PRKAR1B: variants seen among roughly 807,000 people sequenced by gnomAD.
PRKAR1B encodes the protein protein kinase cAMP-dependent type I regulatory subunit beta.
Under a neutral mutation model 46.5 loss-of-function variants are expected in PRKAR1B, and 22 were observed. The observed-to-expected ratio is 0.47, with a 90% CI of 0.34 to 0.68. PRKAR1B has a LOEUF of 0.68. Among genes scored for constraint, PRKAR1B ranks in the 30% least tolerant of loss-of-function variants. The pLI, the probability that PRKAR1B is intolerant of heterozygous loss-of-function variation, is 0.01. For missense variants in PRKAR1B, 445 were observed against 535.6 expected, an observed-to-expected ratio of 0.83 and a Z score of 1.67; for synonymous variants, 259 against 217.7, an observed-to-expected ratio of 1.19 and a Z score of -1.67.
In PRKAR1B at chr7:680,679, C is replaced by A. The variant is rs764939348; in HGVS notation, c.225G>T (p.Ser75=). 2 of 1,613,596 alleles carry A rather than the reference C, an allele frequency of 1.2e-6. No homozygotes were observed. The highest frequency in any genetic ancestry group is 2.2e-5 in the South Asian group (2 of 91,042). ...ILARQKSNSQ[S]DSHDEEVSPT... ...GCGACACCTCCTCATCATGGGAGTC[C>A]GACTGTGAGTTTGACTTTTGCCGCG... is the stretch of plus-strand genomic sequence containing the variant. The change falls in exon 3 of 11, where the codon TCG becomes TCT. Residue 75 remains serine, a synonymous_variant. Coordinates refer to ENST00000537384, the MANE Select transcript of PRKAR1B (RefSeq NM_001164760.2).
At chr7:624,814 C>T (rs1291700098) in intron 4 of PRKAR1B, among the ~76,000 whole-genome samples, 1 of 152,002 alleles carries the variant, frequency 6.6e-6, no homozygotes, top group Non-Finnish European at 1.5e-5. Context: ...ATCCAGCAGG[C>T]AGAAAATCAG....
chr7:646,653 C>T (rs977800927), intron 4 of PRKAR1B, among the ~76,000 whole-genome samples: 11 of 152,204 alleles, frequency 7.2e-5, no homozygotes, highest in African/African-American at 2.7e-4. Flanking sequence ...AATGGCTTCA[C>T]GCTTCTCCCT....
intron 8 of PRKAR1B, among the ~76,000 whole-genome samples, chr7:581,075 G>A (rs965113378): frequency 2.0e-5 from 3 of 152,080 alleles, no homozygotes; most frequent in Non-Finnish European, 4.4e-5. Context: ...AGGCCGAGGC[G>A]GGCGGATCAC....
intron 2 of PRKAR1B, chr7:696,980 T>C (rs942627868): frequency 6.6e-6 from 1 of 152,366 alleles, no homozygotes; most frequent in African/African-American, 2.4e-5. Flanking sequence ...GGAAAGCCTC[T>C]CATTTTGCAG....
intron 9 of PRKAR1B, among the ~76,000 whole-genome samples, chr7:554,088 G>C (rs975327030): frequency 1.3e-5 from 2 of 152,254 alleles, no homozygotes; most frequent in South Asian, 4.1e-4. Context: ...TCCTGGCACT[G>C]GCTCAGGCCA....
intron 2 of PRKAR1B, among the ~76,000 whole-genome samples, chr7:698,456 G>A (rs189558345): frequency 1.1e-4 from 17 of 152,014 alleles, no homozygotes; most frequent in Admixed American, 2.0e-4. Flanking sequence ...GTACGTGTGC[G>A]TGTGTGCATA....
At chr7:583,567 C>T (rs1780394160) in intron 8 of PRKAR1B, among the ~76,000 whole-genome samples, 1 of 61,692 alleles carries the variant, frequency 1.6e-5, no homozygotes, top group Non-Finnish European at 3.4e-5. Flanking sequence ...CGTGCACACC[C>T]ATGCACACAC....
chr7:685,170 G>A (rs1162635496), intron 2 of PRKAR1B, among the ~76,000 whole-genome samples: 1 of 147,256 alleles, frequency 6.8e-6, no homozygotes, highest in Non-Finnish European at 1.5e-5. Context: ...ATCTTAAAAA[G>A]AGACAAAGAC....
chr7:637,420 AAAAC>A (rs946944170), intron 4 of PRKAR1B, among the ~76,000 whole-genome samples: 8 of 152,126 alleles, frequency 5.3e-5, no homozygotes, highest in South Asian at 2.1e-4. Context: ...CTGTCTCAAA[AAAAC>A]AAACAAACAA....
chr7:647,367 T>C (rs1784667865), intron 4 of PRKAR1B, among the ~76,000 whole-genome samples: 1 of 152,082 alleles, frequency 6.6e-6, no homozygotes, highest in African/African-American at 2.4e-5. Context: ...TCCTGGCCTC[T>C]CCTGCTGCCC....
At chr7:725,473 TCTCCA>T (rs1013252811) in intron 1 of PRKAR1B, among the ~76,000 whole-genome samples, 5 of 152,200 alleles carry the variant, frequency 3.3e-5, no homozygotes, top group East Asian at 1.9e-4. Flanking sequence ...GGCGCCTCTG[TCTCCA>T]CTCAAGTCCA....
chr7:580,537 G>A (rs966798148), intron 8 of PRKAR1B, among the ~76,000 whole-genome samples: 6 of 152,234 alleles, frequency 3.9e-5, no homozygotes, highest in African/African-American at 9.6e-5. Flanking sequence ...CACAGTATAC[G>A]TTCTACTATT....
chr7:603,909 T>TGGAGAGGGCGGGGGAGGAG (rs1167874809), intron 6 of PRKAR1B, among the ~76,000 whole-genome samples: 2 of 150,684 alleles, frequency 1.3e-5, no homozygotes, highest in Non-Finnish European at 3.0e-5. Context: ...GGACCCAGAG[T>TGGAGAGGGCGGGGGAGGAG]GTGAACTAGA....
intron 4 of PRKAR1B, among the ~76,000 whole-genome samples, chr7:656,449 A>G (rs1325126049): frequency 6.6e-6 from 1 of 152,222 alleles, no homozygotes; most frequent in Non-Finnish European, 1.5e-5. Context: ...GGGTGAATGA[A>G]TGAGTGGATA....
Position 677,219 on chromosome 7 carries a change from G to T in PRKAR1B, c.440+10C>A, listed in dbSNP as rs201706362. ...GCGGTGATGCCGGGGCAGGGGACGA[G>T]TCTGCCTACCTCCTCTCGTTGTCAT... On this transcript the variant is annotated intron_variant, in intron 4 of 10. Coordinates refer to ENST00000537384, the MANE Select transcript of PRKAR1B (RefSeq NM_001164760.2). The T allele has an allele frequency of 1.2e-6, 2 of 1,614,044 alleles. No homozygotes were observed. The highest frequency in any genetic ancestry group is 3.3e-4 in the Middle Eastern group (2 of 6,062).
chr7:563,233 G>A (rs1347834524), intron 9 of PRKAR1B, among the ~76,000 whole-genome samples: 1 of 152,200 alleles, frequency 6.6e-6, no homozygotes, highest in Non-Finnish European at 1.5e-5. Flanking sequence ...CCCACCCTGA[G>A]GGTCCTCTGA....
intron 9 of PRKAR1B, among the ~76,000 whole-genome samples, chr7:558,328 G>GAA (rs997641029): frequency 0.085 from 5,987 of 70,028 alleles, 298 homozygotes; most frequent in Non-Finnish European, 0.11. Flanking sequence ...CCTGTCTCAG[G>GAA]AAAAAAAAAA....
intron 4 of PRKAR1B, among the ~76,000 whole-genome samples, chr7:630,810 C>T (rs1189396313): frequency 6.6e-6 from 1 of 152,158 alleles, no homozygotes; most frequent in East Asian, 1.9e-4. Flanking sequence ...GAGCACACCC[C>T]CCCCACCATC....
intron 9 of PRKAR1B, among the ~76,000 whole-genome samples, chr7:570,678 C>G (rs1779453682): frequency 6.6e-6 from 1 of 152,202 alleles, no homozygotes; most frequent in African/African-American, 2.4e-5. Flanking sequence ...CTCTGCAAAT[C>G]AGCCCCCAAC....
Sources: gnomAD v4.1 joint callset for allele counts (sites outside exome capture counted in the v4.1 genomes callset) on GRCh38, gnomAD v4.1.1 for gene constraint, MANE v1.5 for transcripts, NCBI Gene and HGNC (gene_info 2026-07-23, HGNC 2026-07-21) for gene names.